The following GRM1 variants were observed in gnomAD, a reference collection of about 807,000 sequenced individuals.
The protein encoded by GRM1 is metabotropic glutamate receptor 1.
GRM1 carries 33 observed loss-of-function variants against 90.9 expected under a neutral mutation model. The ratio of observed to expected loss-of-function variants is 0.36; its 90% CI spans 0.28 to 0.49. The LOEUF is 0.49. Among genes scored for constraint, GRM1 ranks in the 20% least tolerant of loss-of-function variants. The pLI is 0.99. For synonymous variants in GRM1, 700 were observed against 613.2 expected (o/e 1.14, Z -2.09); for missense variants, 1,190 against 1,534.3 (o/e 0.78, Z 3.75).
At chr6:146,103,642 T>A (rs1323461436) in intron 1 of GRM1, among the ~76,000 whole-genome samples, 3 of 152,180 alleles carry the variant, frequency 2.0e-5, no homozygotes, top group Non-Finnish European at 4.4e-5. Flanking sequence ...TGTAAAAGTT[T>A]GATGCAGCTT....
intron 1 of GRM1, among the ~76,000 whole-genome samples, chr6:146,065,313 G>A (rs1032206301): frequency 3.9e-5 from 6 of 152,172 alleles, no homozygotes; most frequent in African/African-American, 1.2e-4. Flanking sequence ...TGTACTCAGT[G>A]TCTCAAAACC....
chr6:146,037,232 C>T (rs1002118716), intron 1 of GRM1, among the ~76,000 whole-genome samples: 2 of 151,838 alleles, frequency 1.3e-5, no homozygotes, highest in African/African-American at 4.8e-5. Context: ...TAAGCAAGTC[C>T]AAGAAGCCAG....
intron 2 of GRM1, among the ~76,000 whole-genome samples, chr6:146,219,052 G>A (rs776190850): frequency 1.3e-5 from 2 of 152,052 alleles, no homozygotes; most frequent in Non-Finnish European, 2.9e-5. Context: ...CAAATCCCTT[G>A]ATTGCTCAAG....
chr6:146,382,167 T>C (rs1255318967), intron 5 of GRM1, among the ~76,000 whole-genome samples: 1 of 152,138 alleles, frequency 6.6e-6, no homozygotes, highest in African/African-American at 2.4e-5. Flanking sequence ...ATAAAAAGCA[T>C]TTTATTGTGA....
intron 2 of GRM1, among the ~76,000 whole-genome samples, chr6:146,238,161 ATTG>A (rs540593727): frequency 2.4e-4 from 36 of 152,286 alleles, no homozygotes; most frequent in African/African-American, 8.4e-4. Context: ...CGTAGGAAAT[ATTG>A]TTCACATTTC....
chr6:146,335,408 A>G (rs1784735379), intron 3 of GRM1, among the ~76,000 whole-genome samples: 1 of 152,166 alleles, frequency 6.6e-6, no homozygotes, highest in African/African-American at 2.4e-5. Context: ...AAGTCCACAT[A>G]AAACTCTAGG....
chr6:146,324,849 G>T (rs945784226), intron 3 of GRM1, among the ~76,000 whole-genome samples: 6 of 151,690 alleles, frequency 4.0e-5, no homozygotes, highest in African/African-American at 1.5e-4. Context: ...GGGAGCTGCA[G>T]ACCTGCACTG....
chr6:146,189,062 G>C (rs991005751), intron 2 of GRM1, among the ~76,000 whole-genome samples: 1 of 152,154 alleles, frequency 6.6e-6, no homozygotes, highest in African/African-American at 2.4e-5. Context: ...GCACAATAAT[G>C]TTATGAGTGT....
intron 3 of GRM1, among the ~76,000 whole-genome samples, chr6:146,335,266 G>A (rs1398755427): frequency 6.6e-6 from 1 of 152,114 alleles, no homozygotes; most frequent in East Asian, 1.9e-4. Flanking sequence ...TTGTATTTAT[G>A]TAATGTTCTT....
chr6:146,289,951 A>C (rs999927528), intron 2 of GRM1, among the ~76,000 whole-genome samples: 8 of 152,208 alleles, frequency 5.3e-5, no homozygotes. Flanking sequence ...CCCCACTGCC[A>C]AGTGAAAAAT....
At chr6:146,411,144 A>G (rs1777552197) in intron 7 of GRM1, among the ~76,000 whole-genome samples, 1 of 152,272 alleles carries the variant, frequency 6.6e-6, no homozygotes. Context: ...AAGCATAGTG[A>G]GTGTTTCTAT....
chr6:146,159,993 GAA>G (rs796131829), intron 2 of GRM1: 8 of 140,352 alleles, frequency 5.7e-5, no homozygotes, highest in South Asian at 2.1e-4. Context: ...TACTTTTTCA[GAA>G]AAAAAAAAAA....
intron 1 of GRM1, among the ~76,000 whole-genome samples, chr6:146,031,541 A>T (rs1409268621): frequency 6.6e-6 from 1 of 152,180 alleles, no homozygotes; most frequent in Non-Finnish European, 1.5e-5. Context: ...ATGATATAGG[A>T]TTACACATTA....
intron 2 of GRM1, among the ~76,000 whole-genome samples, chr6:146,173,683 T>TC (rs1264942730): frequency 6.6e-6 from 1 of 151,306 alleles, no homozygotes; most frequent in African/African-American, 2.4e-5. Context: ...TTTTTTTTTT[T>TC]CGAGACAGAG....
intron 7 of GRM1, among the ~76,000 whole-genome samples, chr6:146,400,798 A>G (rs1036045383): frequency 3.9e-5 from 6 of 152,196 alleles, no homozygotes; most frequent in African/African-American, 1.2e-4. Context: ...AATAATCATG[A>G]TAAGGTACAC....
At chr6:146,401,608 C>G (rs1777162975) in intron 7 of GRM1, among the ~76,000 whole-genome samples, 1 of 152,176 alleles carries the variant, frequency 6.6e-6, no homozygotes, top group South Asian at 2.1e-4. Context: ...GGCTCCATTA[C>G]AACATCCACC....
intron 1 of GRM1, among the ~76,000 whole-genome samples, chr6:146,053,618 A>C (rs1775378804): frequency 6.6e-6 from 1 of 151,988 alleles, no homozygotes; most frequent in African/African-American, 2.4e-5. Flanking sequence ...ACGTTATGTG[A>C]GTTTTTTTGT....
chr6:146,161,932 C>T (rs908881524), intron 2 of GRM1, among the ~76,000 whole-genome samples: 1 of 152,166 alleles, frequency 6.6e-6, no homozygotes, highest in Non-Finnish European at 1.5e-5. Context: ...AAGTAGCCTT[C>T]CCTTCAGGTG....
At chr6:146,140,114 T>TTTCTTTCTTTCC (rs1776804783) in intron 1 of GRM1, among the ~76,000 whole-genome samples, 2 of 129,774 alleles carry the variant, frequency 1.5e-5, no homozygotes, top group African/African-American at 6.0e-5. Flanking sequence ...TCTTTCTTTC[T>TTTCTTTCTTTCC]TTCTTTCTTT....
Sources: allele counts gnomAD v4.1 joint callset (sites outside exome capture counted in the v4.1 genomes callset), GRCh38; gene constraint gnomAD v4.1.1; transcripts MANE v1.5; gene names NCBI Gene and HGNC (gene_info 2026-07-23, HGNC 2026-07-21).